Variants in ANKRD52 observed in about 807,000 individuals in gnomAD.
ANKRD52 encodes the protein ankyrin repeat domain 52, also known as serine/threonine-protein phosphatase 6 regulatory ankyrin repeat subunit C.
A neutral mutation model predicts 116.0 loss-of-function variants in ANKRD52; 7 were observed. That is an observed-to-expected ratio of 0.06 (90% CI 0.03 to 0.11). The LOEUF (loss-of-function observed/expected upper bound fraction) is 0.11. Among genes scored for constraint, ANKRD52 ranks in the 10% least tolerant of loss-of-function variants. The pLI, the probability that ANKRD52 is intolerant of heterozygous loss-of-function variation, is 1.00. For missense variants in ANKRD52, 839 were observed against 1,408.6 expected (o/e 0.60, Z 6.47); for synonymous variants, 528 against 578.1 (o/e 0.91, Z 1.24).
intron 20 of ANKRD52, among the ~76,000 whole-genome samples, chr12:56,247,231 AGCTACTTAGGAG>A (rs1302296228): frequency 6.6e-6 from 1 of 151,288 alleles, no homozygotes; most frequent in African/African-American, 2.4e-5. Flanking sequence ...CTACAGTTTC[AGCTACTTAGGAG>A]GCTGAGGTGC....
rs1592395249 is a variant in ANKRD52 at position 56,254,974 on chromosome 12, A to G, written c.463-22T>C. On this transcript the variant is annotated intron_variant, in intron 5 of 27. Coordinates refer to ENST00000267116, the MANE Select transcript of ANKRD52 (RefSeq NM_173595.4). The surrounding 1 kb of genome is among the most constrained non-coding windows in gnomAD (Gnocchi z 4.6). ...CCGTCTGCATCAGGATATGAAAGAC[A>G]CCTGTTCAGAGCTAGATTCGTGCCC... 6.2e-7 allele frequency: 1 copy of G among 1,603,324 alleles called. No individual in the cohort carries two copies. The highest frequency in any genetic ancestry group is 1.3e-5 in the African/African-American group (1 of 74,844).
chr12:56,251,874 G>T, intron 15 of ANKRD52, 141 bp downstream of exon 15: 1 of 865,198 alleles, frequency 1.2e-6, no homozygotes, highest in Non-Finnish European at 1.8e-6. Context: ...ACTACACCCA[G>T]AGGGCTCAAG....
rs560799598 is a variant in ANKRD52 at position 56,252,102 on chromosome 12, A to AAGAG, written c.1512-11_1512-8dup. On this transcript the variant is annotated splice_region_variant and splice_polypyrimidine_tract_variant and intron_variant, in intron 14 of 27. Transcript: ENST00000267116. The surrounding 1 kb of genome is among the most constrained non-coding windows in gnomAD (Gnocchi z 4.7). ...AGGTGTATGGGGTTCCGCTCTGGGG[A>AAGAG]AGAGAGAGAGAAAGTTAGGGCCAGG... 4 of 1,613,176 alleles carry AAGAG rather than the reference A, an allele frequency of 2.5e-6. No homozygotes were observed. The African/African-American group carries it at 5.3e-5, about 22-fold the overall frequency.
chr12:56,248,258 C>A lies in ANKRD52; in HGVS notation c.1777-34G>T. The A allele has an allele frequency of 6.2e-7, 1 of 1,607,418 alleles. No homozygotes were observed. Among genetic ancestry groups the A allele is most frequent in the South Asian group, 1.1e-5 (1 of 90,906 alleles). On this transcript the variant is annotated intron_variant, in intron 17 of 27. Coordinates refer to ENST00000267116, the MANE Select transcript of ANKRD52 (RefSeq NM_173595.4). The surrounding 1 kb of genome is among the most constrained non-coding windows in gnomAD (Gnocchi z 5.1). ...GTGCAGGCAACCAGTGCACACAGCTCGGGACCTTCCCTGCTCCTCCCTTCC... is the reference window on the plus strand; with the variant it reads ...GTGCAGGCAACCAGTGCACACAGCTAGGGACCTTCCCTGCTCCTCCCTTCC...
At chr12:56,246,092 C>G (rs140573344) in intron 20 of ANKRD52, among the ~76,000 whole-genome samples, 1 of 147,668 alleles carries the variant, frequency 6.8e-6, no homozygotes, top group Non-Finnish European at 1.5e-5. Context: ...TGCAATGGTG[C>G]GATCTTGGCT....
In ANKRD52 at chr12:56,241,961, A is replaced by C; in HGVS notation, c.*1181T>G. On this transcript the variant is annotated 3_prime_UTR_variant, in exon 28 of 28. Coordinates refer to ENST00000267116, the MANE Select transcript of ANKRD52 (RefSeq NM_173595.4). ...GTACCTATTCATCTCTCTCTAGGTC[A>C]GAGCTTCTTCCTCACACTGGAGGGG... The C allele has an allele frequency of 2.5e-6, 1 of 398,646 alleles. No homozygotes were observed. The allele number at this position is 398,646 out of a possible 1,614,324, so 24.7% of individuals were successfully genotyped here.
At position 56,243,344 on chromosome 12, in the gene ANKRD52, C is replaced by A. The variant is rs749970498; in HGVS notation, c.3029G>T (p.Cys1010Phe). 3 of 1,613,938 alleles carry A rather than the reference C, an allele frequency of 1.9e-6. No individual in the cohort carries two copies. Among genetic ancestry groups the A allele is most frequent in the Middle Eastern group, 1.6e-4 (1 of 6,062 alleles). ...ACAPNKDVADCLALILSTMKP... is the reference protein window; with the variant it reads ...ACAPNKDVADFLALILSTMKP... ...CATGGTGGAAAGGATCAAGGCCAGG[C>A]AGTCTGCCACATCTTTGTTGGGGGC... is the stretch of plus-strand genomic sequence containing the variant. The change falls in exon 28 of 28, where the codon TGC (cysteine) becomes TTC (phenylalanine). Residue 1010 changes from cysteine (C) to phenylalanine (F), a missense_variant. Physicochemically the swap from Cys to Phe is radical, Grantham distance 205. Transcript: ENST00000267116. This position sits in a 1 kb window ranked among gnomAD's most constrained non-coding sequence, Gnocchi z 4.6.
In ANKRD52 at chr12:56,248,521, T is replaced by C. The variant is rs1273996053; in HGVS notation, c.1750A>G (p.Ile584Val). The change falls in exon 17 of 28, where the codon ATT becomes GTT. Residue 584 changes from isoleucine to valine, a missense_variant. By Grantham distance (29) the Ile-to-Val change is conservative. Transcript: ENST00000267116. This position sits in a 1 kb window ranked among gnomAD's most constrained non-coding sequence, Gnocchi z 5.1. ...GCTAAGTGCAAAGGGCTGACTGGAATGGTGCTCTCCACATCCTCCAGGCAG... is the reference window on the plus strand; with the variant it reads ...GCTAAGTGCAAAGGGCTGACTGGAACGGTGCTCTCCACATCCTCCAGGCAG... ...FNCLEDVEST[I>V]PVSPLHLAAY... 9.4e-6 allele frequency: 15 copies of C among 1,597,822 alleles called. No homozygotes were observed. Among genetic ancestry groups the C allele is most frequent in the African/African-American group, 1.3e-5 (1 of 74,780 alleles).
In ANKRD52 at chr12:56,253,846, C is replaced by T; in HGVS notation, c.907-46G>A. On this transcript the variant is annotated intron_variant, in intron 8 of 27. Transcript: ENST00000267116. This position sits in a 1 kb window ranked among gnomAD's most constrained non-coding sequence, Gnocchi z 5.5. ...TTTGTTTTTGTTTTTTTTTCCAGTG[C>T]AAAGCACAGAGAATGCCCTACCTCC... The T allele has an allele frequency of 6.3e-7, 1 of 1,584,980 alleles. No homozygotes were observed.
At position 56,243,754 on chromosome 12, in the gene ANKRD52, A is replaced by G. The variant is rs1871270563; in HGVS notation, c.2980+31T>C. 8.4e-6 allele frequency: 13 copies of G among 1,546,900 alleles called. No individual in the cohort carries two copies. Among genetic ancestry groups the G allele is most frequent in the Non-Finnish European group, 1.1e-5 (13 of 1,142,926 alleles). On this transcript the variant is annotated intron_variant, in intron 27 of 27. Coordinates refer to ENST00000267116, the MANE Select transcript of ANKRD52 (RefSeq NM_173595.4). This position sits in a 1 kb window ranked among gnomAD's most constrained non-coding sequence, Gnocchi z 4.6. ...AAGAATGTCCCTGACCCCAAACCCAAGAGAGGCATGGGGCCCCAGACCCCA... is the reference window on the plus strand; with the variant it reads ...AAGAATGTCCCTGACCCCAAACCCAGGAGAGGCATGGGGCCCCAGACCCCA...
In ANKRD52 at chr12:56,254,232, G is replaced by A. The variant is rs761872898; in HGVS notation, c.741C>T (p.Cys247=). ...AFGNTALHIA[C]YLGQDAVAIE... ...TAGCCACAGCATCCTGGCCCAGGTA[G>A]CAGGCGATGTGCAAAGCTGTGTTTC... Residue 247 remains cysteine (C), a synonymous_variant, in exon 8 of 28, where the codon TGC becomes TGT. Coordinates refer to ENST00000267116, the MANE Select transcript of ANKRD52 (RefSeq NM_173595.4). The surrounding 1 kb of genome is among the most constrained non-coding windows in gnomAD (Gnocchi z 4.6). 6.2e-7 allele frequency: 1 copy of A among 1,613,952 alleles called. No individual in the cohort carries two copies. The highest frequency in any genetic ancestry group is 8.5e-7 in the Non-Finnish European group (1 of 1,179,902).
In ANKRD52 at chr12:56,240,419, C is replaced by G. The variant is rs1172467162; in HGVS notation, c.*2723G>C. On this transcript the variant is annotated 3_prime_UTR_variant, in exon 28 of 28. Coordinates refer to ENST00000267116, the MANE Select transcript of ANKRD52 (RefSeq NM_173595.4). The surrounding 1 kb of genome is among the most constrained non-coding windows in gnomAD (Gnocchi z 4.2). The stretch of plus-strand genomic sequence containing the variant: ...TCCCAGGGTCCTCGCTTAAAATAGG[C>G]CTTTTCACAAAAGTGCTTATTACTT... 2.6e-4 allele frequency: 40 copies of G among 152,036 alleles called. No individual in the cohort carries two copies. The highest frequency in any genetic ancestry group is 2.6e-3 in the Admixed American group (39 of 15,262). The allele number at this position is 152,036 out of a possible 1,614,324, so 9.4% of individuals were successfully genotyped here. A position where few individuals can be genotyped will look rare whatever the true frequency, so the allele number is the denominator to read the frequency against.
Position 56,252,741 on chromosome 12 carries a change from C to T in ANKRD52, c.1301+39G>A, listed in dbSNP as rs1245533177. The T allele has an allele frequency of 1.9e-6, 3 of 1,601,082 alleles. No individual in the cohort carries two copies. Among genetic ancestry groups the T allele is most frequent in the African/African-American group, 2.7e-5 (2 of 74,730 alleles). ...ATGAGGGGCCCAGACCTTTGCCCAG[C>T]TCCCTGCTCAAAGCATGGGAGAGAG... On this transcript the variant is annotated intron_variant, in intron 12 of 27. Coordinates refer to ENST00000267116, the MANE Select transcript of ANKRD52 (RefSeq NM_173595.4). This position sits in a 1 kb window ranked among gnomAD's most constrained non-coding sequence, Gnocchi z 4.7.
chr12:56,242,180 CAAACACATGCCTG>C lies in ANKRD52; in HGVS notation c.*949_*961del, dbSNP rs1319884199. 2.5e-6 allele frequency: 1 copy of C among 398,506 alleles called. No homozygotes were observed. The highest frequency in any genetic ancestry group is 2.1e-5 in the African/African-American group (1 of 48,612). 24.7% of individuals were successfully genotyped at this position (398,506 alleles called of 1,614,324 possible). A position where few individuals can be genotyped will look rare whatever the true frequency, so the allele number is the denominator to read the frequency against. Reference sequence around the variant, plus strand: ...CATGGTCCCTCCCTCCATATACATGCAAACACATGCCTGAAACACAGTGGACATACTAGGGCTG... The same window carrying C: ...CATGGTCCCTCCCTCCATATACATGCAAACACAGTGGACATACTAGGGCTG... On this transcript the variant is annotated 3_prime_UTR_variant, in exon 28 of 28. Transcript: ENST00000267116. This position sits in a 1 kb window ranked among gnomAD's most constrained non-coding sequence, Gnocchi z 4.3.
At position 56,255,646 on chromosome 12, in the gene ANKRD52, A is replaced by G; in HGVS notation, c.462+138T>C. 2 of 727,050 alleles carry G rather than the reference A, an allele frequency of 2.8e-6. No individual in the cohort carries two copies. The highest frequency in any genetic ancestry group is 4.5e-6 in the Non-Finnish European group (2 of 446,490). The allele number at this position is 727,050 out of a possible 1,614,324, so 45.0% of individuals were successfully genotyped here. A position where few individuals can be genotyped will look rare whatever the true frequency, so the allele number is the denominator to read the frequency against. ...TTTAATCTAGTCTGACCATTCATTT[A>G]GTGCTTCAGCTTAAGTGTTTATATA... On this transcript the variant is annotated intron_variant, in intron 5 of 27. Coordinates refer to ENST00000267116, the MANE Select transcript of ANKRD52 (RefSeq NM_173595.4). The surrounding 1 kb of genome is among the most constrained non-coding windows in gnomAD (Gnocchi z 4.3).
At position 56,253,127 on chromosome 12, in the gene ANKRD52, G is replaced by T. The variant is rs752211991; in HGVS notation, c.1101-41C>A. On this transcript the variant is annotated intron_variant, in intron 10 of 27. Transcript: ENST00000267116. This position sits in a 1 kb window ranked among gnomAD's most constrained non-coding sequence, Gnocchi z 5.5. ...GGGACTCAGTCCTTGGGTCAAGGAG[G>T]GACCAAGTAAGACCTCTTCTGTGAC... 6.6e-7 allele frequency: 1 copy of T among 1,513,668 alleles called. No homozygotes were observed. Among genetic ancestry groups the T allele is most frequent in the African/African-American group, 1.4e-5 (1 of 72,454 alleles). 93.8% of individuals were successfully genotyped at this position (1,513,668 alleles called of 1,614,324 possible).
Position 56,253,422 on chromosome 12 carries a change from C to A in ANKRD52, c.986-20G>T. The stretch of plus-strand genomic sequence containing the variant: ...CGCTGCCTGTGAGGGGATGCACACA[C>A]ACAAGCTCAGGCAGACCTCAGGCTT... On this transcript the variant is annotated intron_variant, in intron 9 of 27. Transcript: ENST00000267116. The surrounding 1 kb of genome is among the most constrained non-coding windows in gnomAD (Gnocchi z 5.5). 1 of 1,593,624 alleles carries A rather than the reference C, an allele frequency of 6.3e-7. No individual in the cohort carries two copies. The highest frequency in any genetic ancestry group is 8.6e-7 in the Non-Finnish European group (1 of 1,162,232).
At chr12:56,257,393 G>A (rs1359071544) in intron 2 of ANKRD52, 32 bp from the exon 3 acceptor site, 1 of 1,547,490 alleles carries the variant, frequency 6.5e-7, no homozygotes, top group East Asian at 2.4e-5. Context: ...GGGAGTATGG[G>A]CGCGGGGTAA....
rs78915481 is a variant in ANKRD52, at chr12:56,254,677, G to T, written c.594C>A (p.Asp198Glu). The T allele has an allele frequency of 1.2e-6, 2 of 1,613,268 alleles. No individual in the cohort carries two copies. The highest frequency in any genetic ancestry group is 1.1e-5 in the South Asian group (1 of 91,048). The change falls in exon 7 of 28, where the codon GAC becomes GAA. Residue 198 changes from aspartate to glutamate, a missense_variant. Transcript: ENST00000267116. This position sits in a 1 kb window ranked among gnomAD's most constrained non-coding sequence, Gnocchi z 4.6. ...AGCCCTTGCGGTCCTTGCAGCCGAG[G>T]TCTGCTCCCCGTGCCACCAGCAGTT... Reference protein sequence around the residue: ...VLKLLVARGADLGCKDRKGYG... With the variant: ...VLKLLVARGAELGCKDRKGYG...
Sources: allele counts gnomAD v4.1 joint callset (sites outside exome capture counted in the v4.1 genomes callset), GRCh38; gene constraint gnomAD v4.1.1; non-coding constraint Gnocchi (gnomAD v3.1); transcripts MANE v1.5; gene names NCBI Gene and HGNC (gene_info 2026-07-23, HGNC 2026-07-21).